Variants in INKA2 observed in about 807,000 individuals in gnomAD.
INKA2 encodes inka box actin regulator 2.
A neutral mutation model predicts 9.8 loss-of-function variants in INKA2; 3 were observed. That is an observed-to-expected ratio of 0.31 (90% confidence interval 0.14 to 0.79). The LOEUF is 0.79. INKA2 is among the 30% of genes least tolerant of loss of function. The pLI is 0.62. For missense variants in INKA2, 392 were observed against 384.4 expected (o/e 1.02, Z -0.17); for synonymous variants, 147 against 143.3 (o/e 1.03, Z -0.18).
chr1:111,739,107 C>A (rs550599307), intron 1 of INKA2, 79 bp downstream of exon 1: 3 of 1,417,724 alleles, frequency 2.1e-6, no homozygotes, highest in Non-Finnish European at 3.0e-6. Flanking sequence ...CGTCCCGGCT[C>A]CCCGGGGGCC....
intron 1 of INKA2, among the ~76,000 whole-genome samples, chr1:111,749,065 C>T: frequency 6.6e-6 from 1 of 152,230 alleles, no homozygotes; most frequent in African/African-American, 2.4e-5. Flanking sequence ...AGCTGCCTTG[C>T]AAAGGCTCAA....
Position 111,723,147 on chromosome 1 carries a change from C to A in INKA2, c.*3821G>T, listed in dbSNP as rs1224194732. 1.4e-6 allele frequency: 1 copy of A among 693,022 alleles called. No individual in the cohort carries two copies. The highest frequency in any genetic ancestry group is 1.5e-5 in the South Asian group (1 of 66,476). 42.9% of individuals were successfully genotyped at this position (693,022 alleles called of 1,614,324 possible). A position where few individuals can be genotyped will look rare whatever the true frequency, so the allele number is the denominator to read the frequency against. ...AGGCACCTGAGGTGGGTTCTGGCTG[C>A]TCTGGAGAAGGTGGGGACAAGGTGT... On this transcript the variant is annotated 3_prime_UTR_variant, in exon 2 of 2. Coordinates refer to ENST00000357260, the MANE Select transcript of INKA2 (RefSeq NM_019099.5).
At position 111,722,226 on chromosome 1, in the gene INKA2, C is replaced by T. The variant is rs1662664620; in HGVS notation, c.*4742G>A. The T allele has an allele frequency of 6.6e-6, 1 of 152,434 alleles. No individual in the cohort carries two copies. Among genetic ancestry groups the T allele is most frequent in the South Asian group, 2.1e-4 (1 of 4,818 alleles). 9.4% of individuals were successfully genotyped at this position (152,434 alleles called of 1,614,324 possible). A position where few individuals can be genotyped will look rare whatever the true frequency, so the allele number is the denominator to read the frequency against. The stretch of plus-strand genomic sequence containing the variant: ...TTTCTCTGGCAGCACCAGCCCGAGC[C>T]CCGAGACCTCTCCTGAAGGTGGGCT... On this transcript the variant is annotated 3_prime_UTR_variant, in exon 2 of 2. Coordinates refer to ENST00000357260, the MANE Select transcript of INKA2 (RefSeq NM_019099.5).
At chr1:111,747,789 G>T (rs532135661) in intron 1 of INKA2, 1 of 152,186 alleles carries the variant, frequency 6.6e-6, no homozygotes, top group African/African-American at 2.4e-5. Context: ...GACATCCTGG[G>T]TGAGGCATTA....
Position 111,726,523 on chromosome 1 carries a change from A to C in INKA2, c.*445T>G. On this transcript the variant is annotated 3_prime_UTR_variant, in exon 2 of 2. Coordinates refer to ENST00000357260, the MANE Select transcript of INKA2 (RefSeq NM_019099.5). The stretch of plus-strand genomic sequence containing the variant: ...ACAGAAGGTTGGGAGAGCCATAGAC[A>C]GGTCTTTATTTGGGGGCCTATCTGG... The C allele has an allele frequency of 5.1e-6, 1 of 195,228 alleles. No individual in the cohort carries two copies. Among genetic ancestry groups the C allele is most frequent in the Non-Finnish European group, 1.0e-5 (1 of 95,592 alleles). The allele number at this position is 195,228 out of a possible 1,614,324, so 12.1% of individuals were successfully genotyped here. A position where few individuals can be genotyped will look rare whatever the true frequency, so the allele number is the denominator to read the frequency against.
intron 1 of INKA2, among the ~76,000 whole-genome samples, chr1:111,750,423 G>T (rs564572857): frequency 6.6e-6 from 1 of 152,340 alleles, no homozygotes; most frequent in South Asian, 2.1e-4. Context: ...AAGGGCAGAA[G>T]TTGTTTCTTG....
intron 1 of INKA2, among the ~76,000 whole-genome samples, chr1:111,752,041 G>T (rs187962651): frequency 7.9e-5 from 12 of 152,048 alleles, no homozygotes; most frequent in Admixed American, 7.9e-4. Flanking sequence ...TTCTTAAAAG[G>T]ACTGCTGGCA....
At position 111,726,774 on chromosome 1, in the gene INKA2, G is replaced by GC; in HGVS notation, c.*193dup. ...CTACTCTTACCTCCTCCACCAGCTA[G>GC]CCCCCAAGACAGCCTCTCCCAACCA... On this transcript the variant is annotated 3_prime_UTR_variant, in exon 2 of 2. Coordinates refer to ENST00000357260, the MANE Select transcript of INKA2 (RefSeq NM_019099.5). 1 of 632,902 alleles carries GC rather than the reference G, an allele frequency of 1.6e-6. No individual in the cohort carries two copies. Among genetic ancestry groups the GC allele is most frequent in the South Asian group, 1.9e-5 (1 of 53,692 alleles). 39.2% of individuals were successfully genotyped at this position (632,902 alleles called of 1,614,324 possible). A position where few individuals can be genotyped will look rare whatever the true frequency, so the allele number is the denominator to read the frequency against.
chr1:111,728,232 G>A (rs769347429), intron 1 of INKA2, among the ~76,000 whole-genome samples: 117 of 152,104 alleles, frequency 7.7e-4, no homozygotes, highest in Non-Finnish European at 1.4e-3. Context: ...GAGTCTGAGC[G>A]CTCTTCCTCC....
Position 111,749,826 on chromosome 1 carries a change from C to T in INKA2, n.124+5875G>A, listed in dbSNP as rs547997078. ...AGGAGCTGAATATGATTAGCAGAAA[C>T]CCTTCCTGACAGCTCCAAAGAGGAT... On this transcript the variant is annotated intron_variant and non_coding_transcript_variant, in intron 1 of 1. Coordinates refer to the INKA2 transcript ENST00000444059. Among the ~76,000 whole-genome samples, 3 of 152,272 alleles carry T rather than the reference C, an allele frequency of 2.0e-5. No homozygotes were observed. The East Asian group carries it at 5.8e-4, about 29-fold the overall frequency.
At position 111,726,242 on chromosome 1, in the gene INKA2, C is replaced by G. The variant is rs1307350656; in HGVS notation, c.*726G>C. On this transcript the variant is annotated 3_prime_UTR_variant, in exon 2 of 2. Transcript: ENST00000357260. The stretch of plus-strand genomic sequence containing the variant: ...AAATGAGACCATGGAGATGAAAAGG[C>G]ATTCAAACAGCCCAGTGCTATGTCA... 1 of 390,660 alleles carries G rather than the reference C, an allele frequency of 2.6e-6. No homozygotes were observed. The highest frequency in any genetic ancestry group is 4.5e-6 in the Non-Finnish European group (1 of 221,428). The allele number at this position is 390,660 out of a possible 1,614,324, so 24.2% of individuals were successfully genotyped here. A position where few individuals can be genotyped will look rare whatever the true frequency, so the allele number is the denominator to read the frequency against.
chr1:111,741,413 G>A (rs1208216256), upstream of INKA2, among the ~76,000 whole-genome samples: 1 of 152,222 alleles, frequency 6.6e-6, no homozygotes, highest in Non-Finnish European at 1.5e-5. Flanking sequence ...GCTGTGGGCA[G>A]AAATTCTCCA....
intron 1 of INKA2, among the ~76,000 whole-genome samples, chr1:111,737,049 G>A (rs1557911991): frequency 6.6e-6 from 1 of 152,076 alleles, no homozygotes; most frequent in Admixed American, 6.5e-5. Context: ...TGGGGAGGGG[G>A]TGGAGCACCA....
intron 1 of INKA2, among the ~76,000 whole-genome samples, chr1:111,737,306 T>C (rs187400640): frequency 5.8e-4 from 88 of 152,300 alleles, no homozygotes; most frequent in African/African-American, 2.0e-3. Context: ...CCTATTTGCC[T>C]TTTTTATTCT....
Position 111,722,898 on chromosome 1 carries a change from T to C in INKA2, c.*4070A>G, listed in dbSNP as rs1177764230. 2 of 561,362 alleles carry C rather than the reference T, an allele frequency of 3.6e-6. No individual in the cohort carries two copies. The highest frequency in any genetic ancestry group is 3.9e-5 in the African/African-American group (2 of 51,296). The allele number at this position is 561,362 out of a possible 1,614,324, so 34.8% of individuals were successfully genotyped here. A position where few individuals can be genotyped will look rare whatever the true frequency, so the allele number is the denominator to read the frequency against. On this transcript the variant is annotated 3_prime_UTR_variant, in exon 2 of 2. Transcript: ENST00000357260. ...GGTTGTCCAGTATCTGCTGAGCTTC[T>C]GCTGTATTCCAGGCAGTGCTTGGAC...
chr1:111,730,832 T>C (rs917306930), intron 1 of INKA2, among the ~76,000 whole-genome samples: 1 of 152,188 alleles, frequency 6.6e-6, no homozygotes, highest in African/African-American at 2.4e-5. Context: ...CGCTAGCACC[T>C]GGCACTTGCT....
At chr1:111,743,345 C>T (rs1054919872), upstream of INKA2, among the ~76,000 whole-genome samples, 1 of 152,214 alleles carries the variant, frequency 6.6e-6, no homozygotes, top group African/African-American at 2.4e-5. Context: ...TAGCCATTTG[C>T]CCTCCAGTGG....
At chr1:111,734,160 A>T (rs1662964750) in intron 1 of INKA2, among the ~76,000 whole-genome samples, 1 of 152,192 alleles carries the variant, frequency 6.6e-6, no homozygotes. Context: ...GGAGGAGGGT[A>T]AAGAAAGGAG....
intron 1 of INKA2, chr1:111,745,293 A>ATATATATATATAT (rs1358304932): frequency 1.6e-4 from 8 of 49,272 alleles, no homozygotes; most frequent in African/African-American, 4.3e-4. Flanking sequence ...ATATATATAT[A>ATATATATATATAT]TTTTTTTTTT....
Sources: allele counts gnomAD v4.1 joint callset (sites outside exome capture counted in the v4.1 genomes callset), GRCh38; gene constraint gnomAD v4.1.1; transcripts MANE v1.5; gene names NCBI Gene and HGNC (gene_info 2026-07-23, HGNC 2026-07-21).